RBFOX3: variants seen among roughly 807,000 people sequenced by gnomAD.
RBFOX3 encodes the protein RNA binding fox-1 homolog 3.
Under a neutral mutation model 48.7 loss-of-function variants are expected in RBFOX3, and 17 were observed. The ratio of observed to expected loss-of-function variants is 0.35; its 90% CI spans 0.24 to 0.52. The LOEUF (loss-of-function observed/expected upper bound fraction) is 0.52, where lower values mean the gene tolerates loss of function less well. Ranked by LOEUF, RBFOX3 falls within the 20% of genes least tolerant of loss-of-function variation. RBFOX3 has a pLI of 0.94. For synonymous variants in RBFOX3, 212 were observed against 209.5 expected, an observed-to-expected ratio of 1.01 and a Z score of -0.10; for missense variants, 382 against 497.5, an observed-to-expected ratio of 0.77 and a Z score of 2.21.
chr17:79,265,592 C>G (rs2066557021), intron 3 of RBFOX3, among the ~76,000 whole-genome samples: 1 of 152,196 alleles, frequency 6.6e-6, no homozygotes, highest in African/African-American at 2.4e-5. Context: ...CCTTATTACC[C>G]CTGGGCACGC....
At chr17:79,155,839 C>T (rs1004777497) in intron 4 of RBFOX3, among the ~76,000 whole-genome samples, 2 of 152,206 alleles carry the variant, frequency 1.3e-5, no homozygotes, top group African/African-American at 2.4e-5. Flanking sequence ...ACTCCCCTCC[C>T]GATGGTGGCT....
intron 2 of RBFOX3, among the ~76,000 whole-genome samples, chr17:79,329,625 T>C (rs2079907216): frequency 6.6e-6 from 1 of 152,120 alleles, no homozygotes; most frequent in African/African-American, 2.4e-5. Context: ...CAATACCCTC[T>C]GGTCCATGTC....
chr17:79,308,117 T>G (rs987220969), intron 2 of RBFOX3, among the ~76,000 whole-genome samples: 2 of 150,832 alleles, frequency 1.3e-5, no homozygotes, highest in African/African-American at 4.9e-5. Flanking sequence ...GAGGGGAGAG[T>G]GCCAGCAGGT....
At chr17:79,464,400 G>A (rs1272279407) in intron 2 of RBFOX3, among the ~76,000 whole-genome samples, 1 of 152,240 alleles carries the variant, frequency 6.6e-6, no homozygotes, top group African/African-American at 2.4e-5. Context: ...CGCCAACTTG[G>A]GGAGGATGCC....
intron 2 of RBFOX3, among the ~76,000 whole-genome samples, chr17:79,416,632 G>T (rs965787251): frequency 7.9e-5 from 12 of 152,216 alleles, no homozygotes; most frequent in African/African-American, 2.9e-4. Context: ...TGTGGGGAGA[G>T]AAGCTGCAGG....
At chr17:79,123,730 G>A (rs576177950) in intron 4 of RBFOX3, among the ~76,000 whole-genome samples, 8 of 152,312 alleles carry the variant, frequency 5.3e-5, no homozygotes, top group African/African-American at 1.9e-4. Flanking sequence ...TGCAGATGAG[G>A]CTTGGGCAGC....
chr17:79,513,293 CACGGT>C (rs2084763806), intron 1 of RBFOX3, among the ~76,000 whole-genome samples: 1 of 150,924 alleles, frequency 6.6e-6, no homozygotes, highest in East Asian at 2.0e-4. Flanking sequence ...CACCATTGGG[CACGGT>C]CCCATGGCCA....
intron 1 of RBFOX3, among the ~76,000 whole-genome samples, chr17:79,505,660 G>A (rs1313276967): frequency 6.6e-6 from 1 of 152,232 alleles, no homozygotes; most frequent in Non-Finnish European, 1.5e-5. Context: ...AAAAGCAGAG[G>A]TGTATGAGCC....
At chr17:79,338,121 T>C (rs777546012) in intron 2 of RBFOX3, among the ~76,000 whole-genome samples, 2 of 152,138 alleles carry the variant, frequency 1.3e-5, no homozygotes, top group Non-Finnish European at 2.9e-5. Flanking sequence ...GTAATTTTAA[T>C]AGAGACGGGG....
intron 4 of RBFOX3, among the ~76,000 whole-genome samples, chr17:79,121,443 T>C (rs997381927): frequency 6.6e-6 from 1 of 152,174 alleles, no homozygotes; most frequent in Non-Finnish European, 1.5e-5. Flanking sequence ...GAGTTGTCTA[T>C]ACCTGTGGCC....
chr17:79,620,169 A>ACACATGCACACACATGTG, the RBFOX3 span, among the ~76,000 whole-genome samples: 1 of 139,104 alleles, frequency 7.2e-6, no homozygotes, highest in South Asian at 2.4e-4. Context: ...GGACATGCAC[A>ACACATGCACACACATGTG]CACATGCACA....
chr17:79,356,376 T>TGTTTTTG (rs1305722502), intron 2 of RBFOX3, among the ~76,000 whole-genome samples: 12 of 108,260 alleles, frequency 1.1e-4, no homozygotes, highest in South Asian at 3.2e-4. Flanking sequence ...TTTTTTTTTT[T>TGTTTTTG]TTTTTTTTTT....
chr17:79,580,651 G>C (rs1216068896), intron 1 of RBFOX3, among the ~76,000 whole-genome samples: 8 of 151,914 alleles, frequency 5.3e-5, no homozygotes, highest in African/African-American at 1.9e-4. Context: ...AGTTTTTTTT[G>C]CTCATGCTAT....
intron 1 of RBFOX3, among the ~76,000 whole-genome samples, chr17:79,541,812 G>C (rs2089735909): frequency 6.6e-6 from 1 of 152,118 alleles, no homozygotes; most frequent in Non-Finnish European, 1.5e-5. Context: ...CTCACTGACA[G>C]AGTCCCTCTT....
rs1021322290 is a variant in RBFOX3, at chr17:79,480,368, G to T, written c.-175+2086C>A. On this transcript the variant is annotated intron_variant, in intron 2 of 14. Transcript: ENST00000693108. The surrounding 1 kb of genome is among the most constrained non-coding windows in gnomAD (Gnocchi z 4.8). The stretch of plus-strand genomic sequence containing the variant: ...GCCAGTGCTCCCAGGGATAGAGTGC[G>T]ACAGTGGGCTCGCTCGTCAGCTGTC... 6.6e-6 allele frequency among the ~76,000 whole-genome samples: 1 copy of T among 152,136 alleles called. No homozygotes were observed. Among genetic ancestry groups the T allele is most frequent in the Non-Finnish European group, 1.5e-5 (1 of 68,008 alleles).
intron 3 of RBFOX3, among the ~76,000 whole-genome samples, chr17:79,277,717 G>T (rs2069246151): frequency 6.6e-6 from 1 of 152,232 alleles, no homozygotes; most frequent in African/African-American, 2.4e-5. Flanking sequence ...GGCTTGGAAG[G>T]AGGGTTGGCT....
chr17:79,291,502 T>A (rs2073253875), intron 3 of RBFOX3, among the ~76,000 whole-genome samples: 1 of 152,154 alleles, frequency 6.6e-6, no homozygotes, highest in Admixed American at 6.5e-5. Context: ...AAGCTCTTGG[T>A]CAGGGATGCT....
At chr17:79,415,767 G>C (rs1598597301) in intron 2 of RBFOX3, among the ~76,000 whole-genome samples, 2 of 152,136 alleles carry the variant, frequency 1.3e-5, no homozygotes, top group Non-Finnish European at 2.9e-5. Flanking sequence ...CTGGGCCCTG[G>C]GGGAGGCAGA....
At chr17:79,310,695 G>A (rs954309148) in intron 2 of RBFOX3, among the ~76,000 whole-genome samples, 2 of 152,336 alleles carry the variant, frequency 1.3e-5, no homozygotes, top group Admixed American at 1.3e-4. Context: ...TGTGGAGGGA[G>A]CACCGCTCTG....
Sources: allele counts gnomAD v4.1 joint callset (sites outside exome capture counted in the v4.1 genomes callset), GRCh38; gene constraint gnomAD v4.1.1; non-coding constraint Gnocchi (gnomAD v3.1); transcripts MANE v1.5; gene names NCBI Gene and HGNC (gene_info 2026-07-23, HGNC 2026-07-21).